Variants in GNG4 observed in about 807,000 individuals in gnomAD.
GNG4 encodes the protein G protein subunit gamma 4, also known as guanine nucleotide-binding protein G(I)/G(S)/G(O) subunit gamma-4.
A neutral mutation model predicts 5.8 loss-of-function variants in GNG4; 4 were observed. The observed-to-expected ratio is 0.69, with a 90% confidence interval of 0.34 to 1.57. GNG4 has a LOEUF of 1.57. Among genes scored for constraint, GNG4 ranks in the 40% most tolerant of loss-of-function variants. The pLI is 0.06. For missense variants in GNG4, 96 were observed against 95.1 expected (o/e 1.01, Z -0.04); for synonymous variants, 29 against 32.9 (o/e 0.88, Z 0.41).
chr1:235,572,614 G>C (rs1461841647), intron 3 of GNG4, among the ~76,000 whole-genome samples: 1 of 150,862 alleles, frequency 6.6e-6, no homozygotes, highest in Non-Finnish European at 1.5e-5. Flanking sequence ...CAATTCTCAT[G>C]CCTCAGCCCC....
chr1:235,599,808 C>T (rs1398799253), intron 1 of GNG4, among the ~76,000 whole-genome samples: 1 of 152,238 alleles, frequency 6.6e-6, no homozygotes, highest in East Asian at 1.9e-4. Context: ...ATTCACAGCC[C>T]CATCAGCTTT....
At chr1:235,633,209 C>T (rs1042178199) in intron 1 of GNG4, among the ~76,000 whole-genome samples, 1 of 152,154 alleles carries the variant, frequency 6.6e-6, no homozygotes, top group Non-Finnish European at 1.5e-5. Flanking sequence ...CTGGTCCCTG[C>T]GATATGGTTG....
chr1:235,607,881 C>T (rs1305380491), intron 1 of GNG4, among the ~76,000 whole-genome samples: 1 of 152,054 alleles, frequency 6.6e-6, no homozygotes, highest in Admixed American at 6.6e-5. Flanking sequence ...TGAGGCTGTC[C>T]AAGAAAGATG....
intron 1 of GNG4, among the ~76,000 whole-genome samples, chr1:235,635,753 G>A (rs139681864): frequency 8.4e-4 from 128 of 152,168 alleles, no homozygotes; most frequent in African/African-American, 2.7e-3. Flanking sequence ...GATACAACAC[G>A]ACAAAGCTGT....
chr1:235,617,888 CT>C (rs1274632675), intron 1 of GNG4, among the ~76,000 whole-genome samples: 5 of 101,430 alleles, frequency 4.9e-5, no homozygotes, highest in Admixed American at 1.2e-4. Flanking sequence ...CTGCCTCTAT[CT>C]AAAAAAAAAA....
At chr1:235,567,967 C>T (rs1213598174) in intron 3 of GNG4, among the ~76,000 whole-genome samples, 1 of 152,122 alleles carries the variant, frequency 6.6e-6, no homozygotes, top group Non-Finnish European at 1.5e-5. Context: ...TAACCACAAA[C>T]AGGCCCTTGC....
At chr1:235,558,886 C>T (rs1686985762) in intron 3 of GNG4, among the ~76,000 whole-genome samples, 1 of 152,150 alleles carries the variant, frequency 6.6e-6, no homozygotes, top group South Asian at 2.1e-4. Flanking sequence ...AGCTTGGGAA[C>T]AACTGTGGAA....
At chr1:235,579,026 G>A (rs1225099951) in intron 3 of GNG4, among the ~76,000 whole-genome samples, 1 of 151,642 alleles carries the variant, frequency 6.6e-6, no homozygotes, top group Non-Finnish European at 1.5e-5. Context: ...GAACCCGCGA[G>A]GCAGGGGTTG....
chr1:235,587,421 T>G (rs1245612431), intron 2 of GNG4, among the ~76,000 whole-genome samples: 4 of 40,950 alleles, frequency 9.8e-5, no homozygotes, highest in Non-Finnish European at 1.3e-4. Flanking sequence ...GGGGTGGGGG[T>G]GTGTGTGTGA....
chr1:235,620,367 A>G (rs544430373), intron 1 of GNG4, among the ~76,000 whole-genome samples: 40 of 152,314 alleles, frequency 2.6e-4, no homozygotes, highest in African/African-American at 9.4e-4. Flanking sequence ...CTCTATTTCA[A>G]AAAACAAAAC....
intron 2 of GNG4, among the ~76,000 whole-genome samples, chr1:235,586,154 G>A (rs190612806): frequency 1.3e-5 from 2 of 152,356 alleles, no homozygotes; most frequent in African/African-American, 4.8e-5. Flanking sequence ...GAGTTTAATA[G>A]ATGTGTGTCC....
chr1:235,620,090 G>T (rs554961387), intron 1 of GNG4, among the ~76,000 whole-genome samples: 2 of 152,334 alleles, frequency 1.3e-5, no homozygotes, highest in Admixed American at 1.3e-4. Context: ...GAGGTTGGGC[G>T]TGGTGGCTCA....
intron 1 of GNG4, among the ~76,000 whole-genome samples, chr1:235,597,548 T>C (rs1214141101): frequency 6.8e-6 from 1 of 146,282 alleles, no homozygotes; most frequent in Admixed American, 6.9e-5. Context: ...GATCCAGGAA[T>C]GCTTTATGTT....
chr1:235,625,745 G>A (rs1688796703), intron 1 of GNG4, among the ~76,000 whole-genome samples: 1 of 152,156 alleles, frequency 6.6e-6, no homozygotes, highest in African/African-American at 2.4e-5. Flanking sequence ...TCTCCTCTAT[G>A]TTGTGTCATG....
chr1:235,580,861 C>G (rs1231363560), intron 3 of GNG4, among the ~76,000 whole-genome samples: 1 of 144,024 alleles, frequency 6.9e-6, no homozygotes, highest in Non-Finnish European at 1.5e-5. Context: ...AGTGATTCTT[C>G]TGCCTTAGCC....
intron 2 of GNG4, among the ~76,000 whole-genome samples, chr1:235,589,873 A>G (rs193283589): frequency 7.6e-4 from 116 of 152,230 alleles, no homozygotes; most frequent in African/African-American, 2.7e-3. Flanking sequence ...GATCCTTGAA[A>G]TGAGATAATG....
chr1:235,600,100 CTTTTTTTTTTTTTTT>C (rs533853180), intron 1 of GNG4, among the ~76,000 whole-genome samples: 4 of 43,128 alleles, frequency 9.3e-5, no homozygotes, highest in Non-Finnish European at 1.6e-4. Flanking sequence ...CGGAAGAAAG[CTTTTTTTTTTTTTTT>C]TTTTTTTTTT....
At chr1:235,640,769 G>A (rs1312849464) in intron 1 of GNG4, among the ~76,000 whole-genome samples, 1 of 152,220 alleles carries the variant, frequency 6.6e-6, no homozygotes, top group Non-Finnish European at 1.5e-5. Flanking sequence ...AGGGCTCCAG[G>A]AAGAGTCAAA....
chr1:235,575,144 G>A (rs1158844062), intron 3 of GNG4, among the ~76,000 whole-genome samples: 1 of 152,082 alleles, frequency 6.6e-6, no homozygotes, highest in Non-Finnish European at 1.5e-5. Flanking sequence ...TTTCTTTGAT[G>A]TCAGTATCTT....
Sources: gnomAD v4.1 joint callset for allele counts (sites outside exome capture counted in the v4.1 genomes callset) on GRCh38, gnomAD v4.1.1 for gene constraint, MANE v1.5 for transcripts, NCBI Gene and HGNC (gene_info 2026-07-23, HGNC 2026-07-21) for gene names.